DYNLT3: variants seen among roughly 807,000 people sequenced by gnomAD.
DYNLT3 encodes the protein dynein light chain Tctex-type 3.
In DYNLT3, 4 loss-of-function variants were observed where a neutral mutation model predicts 11.0. The observed-to-expected ratio is 0.36, with a 90% confidence interval of 0.18 to 0.83. The LOEUF (loss-of-function observed/expected upper bound fraction) is 0.83, where lower values mean the gene tolerates loss of function less well. Among genes scored for constraint, DYNLT3 ranks in the 40% least tolerant of loss-of-function variants. DYNLT3 has a pLI of 0.47. For synonymous variants in DYNLT3, 37 were observed against 31.2 expected (o/e 1.18, Z -0.61); for missense variants, 91 against 91.1 (o/e 1.00, Z 0.01).
At chrX:37,842,184 A>G (rs1485013985) in intron 2 of DYNLT3, among the ~76,000 whole-genome samples, 1 of 111,298 alleles carries the variant, frequency 9.0e-6, no homozygotes, top group Non-Finnish European at 1.9e-5. Context: ...AACTTAATCT[A>G]GCAGAGAAGC....
Position 37,840,602 on chromosome X carries a change from G to A in DYNLT3, c.324C>T (p.Asn108=). Residue 108 remains asparagine (N), a synonymous_variant, in exon 5 of 5, where the codon AAC becomes AAT. Coordinates refer to ENST00000378578, the MANE Select transcript of DYNLT3 (RefSeq NM_006520.3). ...WENRTMNCIV[N]VFAIAIVL is the part of the protein sequence containing the mutation. ...AAAGAACAATAGCAATGGCAAAAAC[G>A]TTGACAATACAGTTCATGGTCCGGT... is the stretch of plus-strand genomic sequence containing the variant. 2.5e-6 allele frequency: 3 copies of A among 1,203,188 alleles called. No homozygotes were observed. The highest frequency in any genetic ancestry group is 1.8e-5 in the African/African-American group (1 of 57,082).
chrX:37,842,738 T>C (rs951657493), intron 2 of DYNLT3, among the ~76,000 whole-genome samples: 9 of 111,775 alleles, frequency 8.1e-5, no homozygotes, highest in African/African-American at 2.9e-4. Context: ...TCTTATCAGG[T>C]TGTTGTTAGG....
Position 37,841,080 on chromosome X carries a change from G to C in DYNLT3, c.222C>G (p.Ser74Arg). 1 of 1,210,098 alleles carries C rather than the reference G, an allele frequency of 8.3e-7. No homozygotes were observed. Among genetic ancestry groups the C allele is most frequent in the Admixed American group, 2.2e-5 (1 of 45,863 alleles). Residue 74 changes from serine to arginine, a missense_variant, in exon 4 of 5, where the codon AGC becomes AGG. Physicochemically the swap from Ser to Arg is moderately radical, Grantham distance 110. Coordinates refer to ENST00000378578, the MANE Select transcript of DYNLT3 (RefSeq NM_006520.3). ...YIVTCAVVQKSAYGFHTASSC... is the reference protein window; with the variant it reads ...YIVTCAVVQKRAYGFHTASSC... ...AGCTGGCTGTGTGAAAGCCATATGC[G>C]CTCTTCTGGACCACTGCACAGGTCA...
At chrX:37,846,462 G>A (rs980759630) in intron 1 of DYNLT3, 104 bp from the exon 2 acceptor site, 1 of 804,554 alleles carries the variant, frequency 1.2e-6, no homozygotes, top group African/African-American at 2.1e-5. Context: ...AAGTGTTAAA[G>A]GGCATCAGGT....
intron 1 of DYNLT3, chrX:37,847,161 C>CAG: frequency 8.8e-7 from 1 of 1,132,893 alleles, no homozygotes; most frequent in Non-Finnish European, 1.2e-6. Context: ...TTTTCGAGGC[C>CAG]CGCCCGGTAG....
At position 37,838,975 on chromosome X, in the gene DYNLT3, C is replaced by A. The variant is rs1318199808; in HGVS notation, c.*1600G>T. On this transcript the variant is annotated 3_prime_UTR_variant, in exon 5 of 5. Coordinates refer to ENST00000378578, the MANE Select transcript of DYNLT3 (RefSeq NM_006520.3). ...CAAGTCTGCATGTATATTTTGGTCACTATTATGATCTTCCAGGGCACAAAA... is the reference window on the plus strand; with the variant it reads ...CAAGTCTGCATGTATATTTTGGTCAATATTATGATCTTCCAGGGCACAAAA... 1 of 111,257 alleles carries A rather than the reference C, an allele frequency of 9.0e-6. No homozygotes were observed. The highest frequency in any genetic ancestry group is 3.3e-5 in the African/African-American group (1 of 30,630). The allele number at this position is 111,257 out of a possible 1,213,427, so 9.2% of individuals were successfully genotyped here.
At chrX:37,842,014 G>C (rs1329102619) in intron 2 of DYNLT3, 109 bp from the exon 3 acceptor site, 2 of 690,419 alleles carry the variant, frequency 2.9e-6, no homozygotes, top group Non-Finnish European at 3.9e-6. Context: ...TATACTTATA[G>C]CTCAATAAGG....
intron 2 of DYNLT3, among the ~76,000 whole-genome samples, chrX:37,843,627 G>C (rs1266456077): frequency 9.0e-6 from 1 of 111,627 alleles, no homozygotes; most frequent in African/African-American, 3.3e-5. Flanking sequence ...TAAATTCTAA[G>C]TCATTTGTAG....
At chrX:37,846,470 G>T in intron 1 of DYNLT3, 112 bp from the exon 2 acceptor site, 1 of 741,097 alleles carries the variant, frequency 1.3e-6, no homozygotes, top group Non-Finnish European at 1.9e-6. Context: ...AAGGGCATCA[G>T]GTCTACAGAA....
chrX:37,841,230 A>G (rs1289776477), intron 3 of DYNLT3, 125 bp from the exon 4 acceptor site: 2 of 502,601 alleles, frequency 4.0e-6, no homozygotes, highest in African/African-American at 2.4e-5. Flanking sequence ...CAAACAAAAA[A>G]CAGAAAACAA....
At position 37,840,013 on chromosome X, in the gene DYNLT3, C is replaced by T. The variant is rs1930110383; in HGVS notation, c.*562G>A. ...AATTAAAAAAAATTGATTTACTAAT[C>T]CTCAGAAAAAGTAAACAAGTTAATC... On this transcript the variant is annotated 3_prime_UTR_variant, in exon 5 of 5. Coordinates refer to ENST00000378578, the MANE Select transcript of DYNLT3 (RefSeq NM_006520.3). 1 of 108,675 alleles carries T rather than the reference C, an allele frequency of 9.2e-6. No homozygotes were observed. Among genetic ancestry groups the T allele is most frequent in the Non-Finnish European group, 1.9e-5 (1 of 52,177 alleles). The allele number at this position is 108,675 out of a possible 1,213,427, so 9.0% of individuals were successfully genotyped here.
chrX:37,841,168 G>C (rs1930148558), intron 3 of DYNLT3, 63 bp from the exon 4 acceptor site: 1 of 1,003,329 alleles, frequency 1.0e-6, no homozygotes, highest in Non-Finnish European at 1.4e-6. Flanking sequence ...CAAGGTCAAA[G>C]TGTGTGAGTT....
rs776670879 is a variant in DYNLT3, at chrX:37,841,809, TA to T, written c.168del (p.Lys57SerfsTer10). 6.8e-6 allele frequency: 8 copies of T among 1,172,816 alleles called. No individual in the cohort carries two copies. Among genetic ancestry groups the T allele is most frequent in the Non-Finnish European group, 8.1e-6 (7 of 869,426 alleles). On this transcript the variant is annotated frameshift_variant, in exon 3 of 5. Coordinates refer to ENST00000378578, the MANE Select transcript of DYNLT3 (RefSeq NM_006520.3). LOFTEE classifies it high-confidence loss of function. ...SIVEQSLTHL[V>X]KLGKAYKYIV... Reference sequence around the variant, plus strand: ...ATATATTTATAGGCTTTTCCCAACTTAACCAGGTGTGTTAAGGATTGTTCCA... The same window carrying T: ...ATATATTTATAGGCTTTTCCCAACTTACCAGGTGTGTTAAGGATTGTTCCA...
rs376745041 is a variant in DYNLT3 at position 37,843,652 on chromosome X, G to T, written c.73-1747C>A. ...GTCATTTGTAGCTCACTTTTTCTTC[G>T]ACGATTTTTTGGGGAAGCAATTTCT... On this transcript the variant is annotated intron_variant, in intron 2 of 4. Coordinates refer to ENST00000378578, the MANE Select transcript of DYNLT3 (RefSeq NM_006520.3). Among the ~76,000 whole-genome samples, 4 of 111,339 alleles carry T rather than the reference G, an allele frequency of 3.6e-5. No individual in the cohort carries two copies. In the Admixed American group the frequency reaches 3.8e-4, roughly 11 times the overall value.
intron 4 of DYNLT3, 55 bp from the exon 5 acceptor site, chrX:37,840,706 G>T (rs988300233): frequency 1.2e-5 from 9 of 779,452 alleles, no homozygotes; most frequent in Non-Finnish European, 1.5e-5. Flanking sequence ...AATTATCAGA[G>T]AATATATATA....
At chrX:37,843,929 A>G (rs932890391) in intron 2 of DYNLT3, among the ~76,000 whole-genome samples, 11 of 111,742 alleles carry the variant, frequency 9.8e-5, no homozygotes, top group Non-Finnish European at 1.7e-4. Flanking sequence ...GAAATGTTTC[A>G]ATGGCAGAAG....
intron 3 of DYNLT3, 101 bp downstream of exon 3, chrX:37,841,681 A>G (rs996397580): frequency 3.2e-5 from 28 of 886,478 alleles, no homozygotes; most frequent in Non-Finnish European, 4.0e-5. Flanking sequence ...CCCTTTTAGT[A>G]TCCAACTTAA....
intron 1 of DYNLT3, chrX:37,846,960 G>C: frequency 8.8e-7 from 1 of 1,140,573 alleles, no homozygotes; most frequent in Non-Finnish European, 1.2e-6. Flanking sequence ...TGGGTTTCTG[G>C]TGAGGGTTGG....
At chrX:37,842,246 T>C (rs887768263) in intron 2 of DYNLT3, among the ~76,000 whole-genome samples, 1 of 111,827 alleles carries the variant, frequency 8.9e-6, no homozygotes, top group African/African-American at 3.2e-5. Context: ...TGATAAATTA[T>C]GTCATAAAAA....
Sources: allele counts gnomAD v4.1 joint callset (sites outside exome capture counted in the v4.1 genomes callset), GRCh38; gene constraint gnomAD v4.1.1; transcripts MANE v1.5; gene names NCBI Gene and HGNC (gene_info 2026-07-23, HGNC 2026-07-21).